CEP170: variants seen among roughly 807,000 people sequenced by gnomAD.
CEP170 encodes centrosomal protein of 170 kDa.
In CEP170, 21 loss-of-function variants were observed where a neutral mutation model predicts 151.9. The observed-to-expected ratio is 0.14, with a 90% confidence interval of 0.10 to 0.20. CEP170 has a LOEUF of 0.20. Ranked by LOEUF, CEP170 falls within the 10% of genes least tolerant of loss-of-function variation. CEP170 has a pLI of 1.00. For missense variants in CEP170, 964 were observed against 1,892.9 expected (o/e 0.51, Z 9.11); for synonymous variants, 356 against 648.8 (o/e 0.55, Z 6.86).
intron 1 of CEP170, among the ~76,000 whole-genome samples, chr1:243,251,423 T>A (rs1053167365): frequency 6.6e-6 from 1 of 152,220 alleles, no homozygotes; most frequent in Non-Finnish European, 1.5e-5. Context: ...ATAGGCCCTA[T>A]CACTTAGGAA....
At chr1:243,240,414 C>T (rs1037967787) in intron 1 of CEP170, among the ~76,000 whole-genome samples, 2 of 152,192 alleles carry the variant, frequency 1.3e-5, no homozygotes, top group Non-Finnish European at 2.9e-5. Flanking sequence ...GAAAGTGAAG[C>T]CGTTCACCAT....
At chr1:243,170,695 G>A (rs2058775049) in intron 11 of CEP170, among the ~76,000 whole-genome samples, 1 of 152,222 alleles carries the variant, frequency 6.6e-6, no homozygotes, top group Non-Finnish European at 1.5e-5. Flanking sequence ...TTGTGAGGCT[G>A]AGGCAGGGGA....
intron 17 of CEP170, among the ~76,000 whole-genome samples, chr1:243,133,938 A>G (rs1412201913): frequency 2.6e-5 from 4 of 152,224 alleles, no homozygotes; most frequent in African/African-American, 9.6e-5. Context: ...CAACTAATTT[A>G]ATTTCTCTAA....
At chr1:243,152,657 G>C (rs2057217864) in intron 14 of CEP170, among the ~76,000 whole-genome samples, 1 of 140,342 alleles carries the variant, frequency 7.1e-6, no homozygotes, top group South Asian at 2.4e-4. Flanking sequence ...TCAGCCTCCC[G>C]AGTAGCTGGG....
chr1:243,130,199 A>T (rs1234162819), intron 17 of CEP170, among the ~76,000 whole-genome samples: 1 of 152,140 alleles, frequency 6.6e-6, no homozygotes, highest in East Asian at 1.9e-4. Flanking sequence ...AAATAGGTTG[A>T]ATTAGGTATA....
At chr1:243,215,574 C>T (rs2062198991) in intron 3 of CEP170, among the ~76,000 whole-genome samples, 1 of 152,160 alleles carries the variant, frequency 6.6e-6, no homozygotes, top group African/African-American at 2.4e-5. Flanking sequence ...AAATTCCCAC[C>T]TAATAAATTT....
chr1:243,249,941 C>T (rs578009876), intron 1 of CEP170, among the ~76,000 whole-genome samples: 1 of 152,206 alleles, frequency 6.6e-6, no homozygotes, highest in African/African-American at 2.4e-5. Flanking sequence ...ATTAGCCGGG[C>T]GTGCCTGTAG....
In CEP170 at chr1:243,182,782, C is replaced by T. The variant is rs145715683; in HGVS notation, c.1566+2997G>A. On this transcript the variant is annotated intron_variant, in intron 10 of 19. Transcript: ENST00000366542. Reference sequence around the variant, plus strand: ...TATGGGATTAATTACGTATGTTTCACGACTAGCTCAGCTGGCAATATTTAT... The same window carrying T: ...TATGGGATTAATTACGTATGTTTCATGACTAGCTCAGCTGGCAATATTTAT... Among the ~76,000 whole-genome samples, 225 of 152,278 alleles carry T rather than the reference C, an allele frequency of 1.5e-3. 5 individuals carry two copies. In the East Asian group the frequency reaches 0.033, roughly 22 times the overall value.
At chr1:243,223,569 G>C (rs1007280929) in intron 2 of CEP170, among the ~76,000 whole-genome samples, 1 of 152,172 alleles carries the variant, frequency 6.6e-6, no homozygotes, top group Non-Finnish European at 1.5e-5. Flanking sequence ...ACTGCTTATG[G>C]TGAACACTGA....
rs144043025 is a variant in CEP170 at position 243,153,530 on chromosome 1, G to T, written c.3911+2691C>A. Among the ~76,000 whole-genome samples the T allele has an allele frequency of 2.3e-4, 35 of 152,258 alleles. No homozygotes were observed. In the East Asian group the frequency reaches 6.4e-3, roughly 28 times the overall value. ...GTCATCCCAGCCTTCAGCAACCACT[G>T]CCCTTGAATAAGTCCACAGTCATCA... On this transcript the variant is annotated intron_variant, in intron 14 of 19. Transcript: ENST00000366542.
In CEP170 at chr1:243,210,532, G is replaced by T. The variant is rs549259537; in HGVS notation, c.274+1354C>A. 4.1e-4 allele frequency among the ~76,000 whole-genome samples: 61 copies of T among 148,184 alleles called. No homozygotes were observed. The Middle Eastern group carries it at 0.011, about 26-fold the overall frequency. On this transcript the variant is annotated intron_variant, in intron 4 of 19. Transcript: ENST00000366542. ...TGTATATTCCTTTGGCTCTGCAAGT[G>T]TGAACATTATAAAGTATGCTACAAA...
chr1:243,126,408 G>C lies in CEP170; in HGVS notation c.*41C>G. The C allele has an allele frequency of 6.4e-7, 1 of 1,561,022 alleles. No individual in the cohort carries two copies. The highest frequency in any genetic ancestry group is 1.2e-5 in the South Asian group (1 of 83,980). ...CACTATGCTGCTTCCAATATTCCTA[G>C]CCATTCCACAGGTAATGATTTTTCA... On this transcript the variant is annotated 3_prime_UTR_variant, in exon 20 of 20. Transcript: ENST00000366542.
At chr1:243,183,495 T>C (rs200233683) in intron 10 of CEP170, among the ~76,000 whole-genome samples, 2 of 152,152 alleles carry the variant, frequency 1.3e-5, no homozygotes, top group East Asian at 3.8e-4. Context: ...TGGTCTTTGT[T>C]TTCTTCATAC....
At chr1:243,186,199 C>A in intron 9 of CEP170, 60 bp downstream of exon 9, 3 of 1,612,748 alleles carry the variant, frequency 1.9e-6, no homozygotes, top group South Asian at 1.1e-5. Flanking sequence ...AAGAATACGA[C>A]CTTCTTTTTC....
intron 1 of CEP170, among the ~76,000 whole-genome samples, chr1:243,250,764 C>T (rs3896337): frequency 0.41 from 62,149 of 151,592 alleles, 14,715 homozygotes; most frequent in East Asian, 0.66. Flanking sequence ...TGTAACATTT[C>T]TCTCTCTCTC....
Position 243,185,638 on chromosome 1 carries a change from G to T in CEP170, c.1566+141C>A. ...CAAAGCATGTTGGTCTTACTGTTAAGTCTTGCAGTTCCCTAACAAAACCCT... is the reference window on the plus strand; with the variant it reads ...CAAAGCATGTTGGTCTTACTGTTAATTCTTGCAGTTCCCTAACAAAACCCT... On this transcript the variant is annotated intron_variant, in intron 10 of 19. Transcript: ENST00000366542. This position sits in a 1 kb window ranked among gnomAD's most constrained non-coding sequence, Gnocchi z 4.9. 8.6e-7 allele frequency: 1 copy of T among 1,169,376 alleles called. No homozygotes were observed. 72.4% of individuals were successfully genotyped at this position (1,169,376 alleles called of 1,614,324 possible).
intron 11 of CEP170, among the ~76,000 whole-genome samples, chr1:243,171,856 T>C (rs2148615202): frequency 6.6e-6 from 1 of 152,342 alleles, no homozygotes; most frequent in Admixed American, 6.5e-5. Flanking sequence ...TTCAAAAGCT[T>C]TGAGCTAAAA....
At chr1:243,183,791 A>C (rs987354224) in intron 10 of CEP170, among the ~76,000 whole-genome samples, 2 of 152,084 alleles carry the variant, frequency 1.3e-5, no homozygotes, top group African/African-American at 4.8e-5. Context: ...TCCTGCTCTA[A>C]AGTCTTGGGT....
At chr1:243,190,334 G>T (rs2060230405) in intron 8 of CEP170, among the ~76,000 whole-genome samples, 1 of 152,120 alleles carries the variant, frequency 6.6e-6, no homozygotes, top group Non-Finnish European at 1.5e-5. Context: ...AGAAAAAACT[G>T]ATCAGCTGAT....
Sources: allele counts gnomAD v4.1 joint callset (sites outside exome capture counted in the v4.1 genomes callset), GRCh38; gene constraint gnomAD v4.1.1; non-coding constraint Gnocchi (gnomAD v3.1); transcripts MANE v1.5; gene names NCBI Gene and HGNC (gene_info 2026-07-23, HGNC 2026-07-21).